ESRRG: variants seen among roughly 807,000 people sequenced by gnomAD.
The protein encoded by ESRRG is estrogen-related receptor gamma.
Under a neutral mutation model 44.0 loss-of-function variants are expected in ESRRG, and 13 were observed. That is an observed-to-expected ratio of 0.30 (90% CI 0.19 to 0.47). The LOEUF (loss-of-function observed/expected upper bound fraction) is 0.47, where lower values mean the gene tolerates loss of function less well. Among genes scored for constraint, ESRRG ranks in the 20% least tolerant of loss-of-function variants. The pLI is 1.00. For missense variants in ESRRG, 395 were observed against 580.6 expected, an observed-to-expected ratio of 0.68 and a Z score of 3.29; for synonymous variants, 215 against 214.6, an observed-to-expected ratio of 1.00 and a Z score of -0.02.
intron 1 of ESRRG, among the ~76,000 whole-genome samples, chr1:217,118,860 G>A (rs920129404): frequency 5.9e-5 from 9 of 152,042 alleles, no homozygotes; most frequent in African/African-American, 2.2e-4. Flanking sequence ...CAAGCATGGT[G>A]GCTTATTCCT....
At chr1:216,748,606 A>C (rs1444484698) in intron 2 of ESRRG, among the ~76,000 whole-genome samples, 1 of 152,194 alleles carries the variant, frequency 6.6e-6, no homozygotes. Flanking sequence ...GTGTTTGCTC[A>C]AGTTACACAA....
At chr1:217,059,041 T>C (rs1257505728) in intron 1 of ESRRG, among the ~76,000 whole-genome samples, 2 of 148,704 alleles carry the variant, frequency 1.3e-5, no homozygotes, top group Non-Finnish European at 3.0e-5. Flanking sequence ...TAGCATATTA[T>C]AGAATAACTA....
At chr1:216,711,800 C>T (rs1052022844) in intron 1 of ESRRG, among the ~76,000 whole-genome samples, 2 of 152,106 alleles carry the variant, frequency 1.3e-5, no homozygotes, top group South Asian at 2.1e-4. Flanking sequence ...TCTGTGACAG[C>T]CCATCAGAAA....
chr1:217,043,311 A>T (rs540615594), intron 1 of ESRRG, among the ~76,000 whole-genome samples: 3 of 152,294 alleles, frequency 2.0e-5, no homozygotes, highest in African/African-American at 7.2e-5. Flanking sequence ...AATGGAAAGA[A>T]GGAAGCTGGG....
intron 5 of ESRRG, among the ~76,000 whole-genome samples, chr1:216,527,132 T>C (rs2047907367): frequency 6.6e-6 from 1 of 152,136 alleles, no homozygotes; most frequent in South Asian, 2.1e-4. Context: ...GATAAGACCA[T>C]AACAACCAAA....
At chr1:216,912,177 AAAGAAAAG>A (rs1162261570) in intron 2 of ESRRG, among the ~76,000 whole-genome samples, 965 of 22,190 alleles carry the variant, frequency 0.043, 108 homozygotes, top group Middle Eastern at 0.15. Flanking sequence ...AAAGAAAAGA[AAAGAAAAG>A]GAGAGGAGAG....
chr1:216,975,794 T>C (rs747487278), intron 1 of ESRRG, among the ~76,000 whole-genome samples: 13 of 152,176 alleles, frequency 8.5e-5, no homozygotes, highest in Non-Finnish European at 1.3e-4. Context: ...GACATCTCTT[T>C]TGTCAATGGG....
chr1:216,926,633 T>C (rs1425632465), intron 2 of ESRRG, among the ~76,000 whole-genome samples: 3 of 152,200 alleles, frequency 2.0e-5, no homozygotes, highest in African/African-American at 7.2e-5. Context: ...AGCTACTTTT[T>C]TTGTGGTCTG....
At chr1:216,991,617 A>AGGATGGGATG (rs59213834) in intron 1 of ESRRG, among the ~76,000 whole-genome samples, 5 of 59,764 alleles carry the variant, frequency 8.4e-5, no homozygotes, top group Non-Finnish European at 1.1e-4. Flanking sequence ...GGGATGGGAT[A>AGGATGGGATG]GGATGGGATG....
At chr1:217,127,302 GTGTC>G (rs571827649) in intron 1 of ESRRG, among the ~76,000 whole-genome samples, 244 of 152,254 alleles carry the variant, frequency 1.6e-3, no homozygotes, top group African/African-American at 5.6e-3. Flanking sequence ...TTTCATGCCT[GTGTC>G]TTATGTTAGC....
chr1:216,651,293 G>C (rs1404216084), intron 2 of ESRRG, among the ~76,000 whole-genome samples: 1 of 152,096 alleles, frequency 6.6e-6, no homozygotes, highest in African/African-American at 2.4e-5. Flanking sequence ...GAACAAACAT[G>C]GTGAAATGCT....
chr1:216,523,499 T>G (rs76830940), intron 5 of ESRRG, among the ~76,000 whole-genome samples: 9,571 of 82,300 alleles, frequency 0.12, 1,016 homozygotes, highest in African/African-American at 0.26. Context: ...TGTTTTTTTT[T>G]TTGTTTTTTT....
chr1:217,007,398 A>G (rs905396519), intron 1 of ESRRG, among the ~76,000 whole-genome samples: 1 of 152,042 alleles, frequency 6.6e-6, no homozygotes, highest in Non-Finnish European at 1.5e-5. Flanking sequence ...GGAAAAGGGG[A>G]AGGAAAGAAA....
At chr1:217,077,836 A>G (rs533704155) in intron 1 of ESRRG, among the ~76,000 whole-genome samples, 16 of 152,366 alleles carry the variant, frequency 1.1e-4, no homozygotes, top group South Asian at 4.1e-4. Flanking sequence ...CATGACCAAC[A>G]ATTACAATTC....
intron 1 of ESRRG, among the ~76,000 whole-genome samples, chr1:217,003,928 G>T (rs2077397201): frequency 6.6e-6 from 1 of 151,588 alleles, no homozygotes; most frequent in African/African-American, 2.4e-5. Flanking sequence ...AATTAACTGA[G>T]TTTGTGACCT....
chr1:216,598,132 C>T (rs185420098), intron 3 of ESRRG, among the ~76,000 whole-genome samples: 83 of 152,306 alleles, frequency 5.4e-4, no homozygotes, highest in Non-Finnish European at 9.7e-4. Context: ...CTTTGAGATA[C>T]ATGTTGACTT....
chr1:217,042,356 T>A (rs2084003899), intron 1 of ESRRG, among the ~76,000 whole-genome samples: 2 of 152,080 alleles, frequency 1.3e-5, no homozygotes, highest in Non-Finnish European at 2.9e-5. Context: ...TTTCTTTGAT[T>A]CCCAAGAATG....
intron 2 of ESRRG, among the ~76,000 whole-genome samples, chr1:216,889,569 G>A (rs1046414542): frequency 6.6e-6 from 1 of 152,134 alleles, no homozygotes. Context: ...CAAACCCATC[G>A]TGCACCATAC....
chr1:216,667,172 A>G (rs940654626), intron 2 of ESRRG, among the ~76,000 whole-genome samples: 1 of 152,168 alleles, frequency 6.6e-6, no homozygotes, highest in African/African-American at 2.4e-5. Context: ...GGAGATCTAT[A>G]GGGAATTGAT....
Sources: gnomAD v4.1 joint callset for allele counts (sites outside exome capture counted in the v4.1 genomes callset) on GRCh38, gnomAD v4.1.1 for gene constraint, MANE v1.5 for transcripts, NCBI Gene and HGNC (gene_info 2026-07-23, HGNC 2026-07-21) for gene names.